The following RALYL variants were observed in gnomAD, a reference collection of about 807,000 sequenced individuals.
RALYL encodes RALY RNA binding protein like.
In RALYL, 29 loss-of-function variants were observed where a neutral mutation model predicts 35.1. That is an observed-to-expected ratio of 0.83 (90% CI 0.61 to 1.13). The LOEUF (loss-of-function observed/expected upper bound fraction) is 1.13. Among genes scored for constraint, RALYL ranks in the 50% most tolerant of loss-of-function variants. The pLI is 0.00. For missense variants in RALYL, 359 were observed against 360.4 expected (o/e 1.00, Z 0.03); for synonymous variants, 120 against 127.6 (o/e 0.94, Z 0.40).
chr8:84,252,349 T>C (rs560490954), intron 1 of RALYL, among the ~76,000 whole-genome samples: 3 of 152,254 alleles, frequency 2.0e-5, no homozygotes, highest in Non-Finnish European at 4.4e-5. Flanking sequence ...ATCAAATTAT[T>C]TTGCTTCAGA....
At chr8:84,909,881 A>C (rs1847206023) in intron 8 of RALYL, among the ~76,000 whole-genome samples, 1 of 152,112 alleles carries the variant, frequency 6.6e-6, no homozygotes, top group African/African-American at 2.4e-5. Flanking sequence ...CAGTGACAAA[A>C]CTATTTAAAG....
At chr8:84,307,012 A>G (rs544670867) in intron 1 of RALYL, among the ~76,000 whole-genome samples, 87 of 151,804 alleles carry the variant, frequency 5.7e-4, no homozygotes, top group African/African-American at 2.0e-3. Flanking sequence ...AAGTTCTACC[A>G]CACAGAGTAT....
chr8:84,822,792 C>T (rs759528464), intron 4 of RALYL, among the ~76,000 whole-genome samples: 13 of 152,242 alleles, frequency 8.5e-5, no homozygotes, highest in South Asian at 2.1e-4. Flanking sequence ...TAACAGTACC[C>T]GCCAAACTAC....
Position 84,562,046 on chromosome 8 carries a change from A to C in RALYL, c.256+32469A>C, listed in dbSNP as rs542293796. Among the ~76,000 whole-genome samples the C allele has an allele frequency of 1.1e-4, 16 of 152,094 alleles. No homozygotes were observed. In the East Asian group the frequency reaches 3.1e-3, roughly 29 times the overall value. The stretch of plus-strand genomic sequence containing the variant: ...CCTACTGTCATTTCACAGCTGAGCA[A>C]GCCATGTGAACCTTTGAAAGCTATA... On this transcript the variant is annotated intron_variant, in intron 2 of 8. Coordinates refer to ENST00000521268, the MANE Select transcript of RALYL (RefSeq NM_173848.7).
intron 1 of RALYL, among the ~76,000 whole-genome samples, chr8:84,476,680 C>T (rs368327713): frequency 8.5e-5 from 13 of 152,270 alleles, no homozygotes; most frequent in Middle Eastern, 6.8e-3. Context: ...TCTGTTTATA[C>T]AGACATCCAT....
chr8:84,362,986 A>AAC (rs57010933), intron 1 of RALYL, among the ~76,000 whole-genome samples: 7,686 of 151,714 alleles, frequency 0.051, 444 homozygotes, highest in African/African-American at 0.14. Flanking sequence ...AAGGATCAGA[A>AAC]ACACACACAC....
intron 1 of RALYL, among the ~76,000 whole-genome samples, chr8:84,471,798 T>C (rs2052792131): frequency 6.6e-6 from 1 of 152,202 alleles, no homozygotes. Flanking sequence ...TAATAAAACA[T>C]TTCCCAATGG....
At chr8:84,722,983 CA>C (rs908881288) in intron 2 of RALYL, among the ~76,000 whole-genome samples, 2 of 151,564 alleles carry the variant, frequency 1.3e-5, no homozygotes, top group African/African-American at 2.4e-5. Flanking sequence ...TCTACAATTT[CA>C]AAAAAAGCTT....
rs1298345840 is a variant in RALYL, at chr8:84,422,340, G to T, written c.-23-106959G>T. 4.8e-3 allele frequency among the ~76,000 whole-genome samples: 598 copies of T among 124,128 alleles called. 6 individuals are homozygous for T. The highest frequency in any genetic ancestry group is 0.019 in the African/African-American group (552 of 29,776). The allele number at this position is 124,128 out of a possible 152,430, so 81.4% of individuals were successfully genotyped here. On this transcript the variant is annotated intron_variant, in intron 1 of 8. Coordinates refer to ENST00000521268, the MANE Select transcript of RALYL (RefSeq NM_173848.7). The stretch of plus-strand genomic sequence containing the variant: ...GATTTTCTAGTTTATTTGCGTAGAG[G>T]TGTTTGTAGTATTCTCTGATGGTAG...
At chr8:84,239,113 A>AT (rs1827279156) in intron 1 of RALYL, among the ~76,000 whole-genome samples, 1 of 152,194 alleles carries the variant, frequency 6.6e-6, no homozygotes, top group South Asian at 2.1e-4. Flanking sequence ...ACATAACCAC[A>AT]TTGCTAGTTT....
chr8:84,845,117 ATAAAAAAAT>A (rs1247059213), intron 4 of RALYL, among the ~76,000 whole-genome samples: 2 of 152,222 alleles, frequency 1.3e-5, no homozygotes, highest in African/African-American at 4.8e-5. Context: ...TTAAAGCATA[ATAAAAAAAT>A]TAAAAAAAAT....
intron 2 of RALYL, among the ~76,000 whole-genome samples, chr8:84,564,758 C>T (rs1367343865): frequency 6.6e-6 from 1 of 151,598 alleles, no homozygotes; most frequent in Admixed American, 6.6e-5. Context: ...AACTACATTT[C>T]ATCGTATTTA....
At chr8:84,669,291 C>A (rs1471778716) in intron 2 of RALYL, among the ~76,000 whole-genome samples, 6 of 152,100 alleles carry the variant, frequency 3.9e-5, no homozygotes, top group Non-Finnish European at 8.8e-5. Context: ...TGAATAGTCT[C>A]TGGGCTTGGG....
At chr8:84,651,402 G>A (rs1056834058) in intron 2 of RALYL, among the ~76,000 whole-genome samples, 1 of 151,734 alleles carries the variant, frequency 6.6e-6, no homozygotes, top group Admixed American at 6.6e-5. Context: ...CTAGGCACAA[G>A]CAGTGAAGAT....
intron 1 of RALYL, among the ~76,000 whole-genome samples, chr8:84,441,940 A>G (rs2132980790): frequency 6.6e-6 from 1 of 152,262 alleles, no homozygotes; most frequent in Admixed American, 6.5e-5. Flanking sequence ...CTTTGCCCAC[A>G]GCCACATATA....
chr8:84,680,597 C>T (rs1835244090), intron 2 of RALYL, among the ~76,000 whole-genome samples: 1 of 152,126 alleles, frequency 6.6e-6, no homozygotes, highest in Admixed American at 6.6e-5. Flanking sequence ...CTCTGATGGC[C>T]AGTGATGATG....
intron 2 of RALYL, among the ~76,000 whole-genome samples, chr8:84,696,413 T>C (rs1386236120): frequency 6.6e-6 from 1 of 151,874 alleles, no homozygotes; most frequent in African/African-American, 2.4e-5. Flanking sequence ...TGGTTCCTTC[T>C]TTGTTATACT....
chr8:84,243,471 T>A (rs2131590962), intron 1 of RALYL, among the ~76,000 whole-genome samples: 1 of 152,022 alleles, frequency 6.6e-6, no homozygotes, highest in East Asian at 1.9e-4. Flanking sequence ...GCATGGAATA[T>A]TTTTCCGTTT....
At chr8:84,324,267 C>T (rs1845397878) in intron 1 of RALYL, among the ~76,000 whole-genome samples, 1 of 151,994 alleles carries the variant, frequency 6.6e-6, no homozygotes, top group African/African-American at 2.4e-5. Context: ...GTTTTGATTC[C>T]ACATACAGTT....
Sources: allele counts gnomAD v4.1 joint callset (sites outside exome capture counted in the v4.1 genomes callset), GRCh38; gene constraint gnomAD v4.1.1; transcripts MANE v1.5; gene names NCBI Gene and HGNC (gene_info 2026-07-23, HGNC 2026-07-21).